The following NRXN3 variants were observed in gnomAD, a reference collection of about 807,000 sequenced individuals.
NRXN3 encodes the protein neurexin 3, also known as neurexin III.
Under a neutral mutation model 137.6 loss-of-function variants are expected in NRXN3, and 32 were observed. The ratio of observed to expected loss-of-function variants is 0.23; its 90% CI spans 0.18 to 0.31. The LOEUF (loss-of-function observed/expected upper bound fraction) is 0.31, where lower values mean the gene tolerates loss of function less well. Among genes scored for constraint, NRXN3 ranks in the 10% least tolerant of loss-of-function variants. The pLI, the probability that NRXN3 is intolerant of heterozygous loss-of-function variation, is 1.00. For synonymous variants in NRXN3, 798 were observed against 784.5 expected, an observed-to-expected ratio of 1.02 and a Z score of -0.29; for missense variants, 1,574 against 2,062.5, an observed-to-expected ratio of 0.76 and a Z score of 4.59.
chr14:79,538,693 T>C (rs1180804875), intron 16 of NRXN3, among the ~76,000 whole-genome samples: 2 of 152,212 alleles, frequency 1.3e-5, no homozygotes, highest in African/African-American at 4.8e-5. Context: ...CTAGGTTGCC[T>C]GTTCACTGTG....
chr14:78,733,145 T>C (rs1056482946), intron 8 of NRXN3, among the ~76,000 whole-genome samples: 2 of 152,168 alleles, frequency 1.3e-5, no homozygotes, highest in Non-Finnish European at 2.9e-5. Context: ...ATTTATTTTT[T>C]GAAATAATAA....
chr14:78,310,961 A>G (rs936486099), intron 4 of NRXN3, among the ~76,000 whole-genome samples: 1 of 152,210 alleles, frequency 6.6e-6, no homozygotes, highest in Non-Finnish European at 1.5e-5. Flanking sequence ...TTAACAACAA[A>G]CATCAGTTAT....
chr14:78,388,785 CTG>C (rs1007975107), intron 4 of NRXN3, among the ~76,000 whole-genome samples: 10 of 152,206 alleles, frequency 6.6e-5, no homozygotes, highest in African/African-American at 2.2e-4. Flanking sequence ...CTGCATTTTG[CTG>C]TGTTTACTTC....
At chr14:78,880,951 C>A (rs886327233) in intron 10 of NRXN3, among the ~76,000 whole-genome samples, 2 of 152,134 alleles carry the variant, frequency 1.3e-5, no homozygotes, top group Non-Finnish European at 2.9e-5. Flanking sequence ...GGGAGGGACC[C>A]AGTGAGAAGT....
intron 4 of NRXN3, among the ~76,000 whole-genome samples, chr14:78,473,717 G>A (rs754062158): frequency 3.3e-5 from 5 of 152,204 alleles, no homozygotes; most frequent in Non-Finnish European, 7.3e-5. Context: ...TAGTAAAGAT[G>A]ATAGCAAGGG....
intron 19 of NRXN3, among the ~76,000 whole-genome samples, chr14:79,791,537 ATAAT>A (rs200288351): frequency 0.05 from 7,286 of 145,996 alleles, 200 homozygotes; most frequent in Middle Eastern, 0.062. Context: ...TATAATAATT[ATAAT>A]TAATTATATA....
chr14:79,289,349 A>C (rs1006254935), intron 15 of NRXN3, among the ~76,000 whole-genome samples: 1 of 152,206 alleles, frequency 6.6e-6, no homozygotes, highest in African/African-American at 2.4e-5. Context: ...GGCTGGGCGC[A>C]GTGGCTCATG....
At chr14:78,824,718 T>A (rs2098961338) in intron 10 of NRXN3, among the ~76,000 whole-genome samples, 2 of 152,018 alleles carry the variant, frequency 1.3e-5, no homozygotes, top group South Asian at 4.1e-4. Flanking sequence ...AAATTTAAAT[T>A]AAAAAAATGT....
intron 15 of NRXN3, among the ~76,000 whole-genome samples, chr14:79,377,281 C>A (rs2094330425): frequency 6.6e-6 from 1 of 152,174 alleles, no homozygotes; most frequent in Non-Finnish European, 1.5e-5. Flanking sequence ...TTTTCATTAT[C>A]AAAGCAATTG....
chr14:78,815,965 CTCTG>C (rs1366266732), intron 10 of NRXN3, among the ~76,000 whole-genome samples: 1 of 152,166 alleles, frequency 6.6e-6, no homozygotes, highest in African/African-American at 2.4e-5. Context: ...ATAATGTATT[CTCTG>C]TCAAACTATA....
chr14:78,361,087 A>G (rs915479179), intron 4 of NRXN3, among the ~76,000 whole-genome samples: 8 of 152,222 alleles, frequency 5.3e-5, no homozygotes, highest in African/African-American at 1.9e-4. Context: ...AACATGGCCA[A>G]TAAGAAAGCA....
intron 16 of NRXN3, among the ~76,000 whole-genome samples, chr14:79,592,065 A>T (rs2097809876): frequency 6.6e-6 from 1 of 152,146 alleles, no homozygotes; most frequent in Non-Finnish European, 1.5e-5. Context: ...TACCCTGTAA[A>T]AGTTACCTCA....
chr14:79,440,673 T>C (rs2095922473), intron 15 of NRXN3, among the ~76,000 whole-genome samples: 1 of 152,182 alleles, frequency 6.6e-6, no homozygotes, highest in African/African-American at 2.4e-5. Context: ...TTTGTTGTTG[T>C]CATTGTAATA....
At position 79,863,993 on chromosome 14, in the gene NRXN3, TAA is replaced by T. The variant is rs2099416623; in HGVS notation, c.*2030_*2031del. On this transcript the variant is annotated 3_prime_UTR_variant, in exon 21 of 21. Coordinates refer to ENST00000335750, the MANE Select transcript of NRXN3 (RefSeq NM_001330195.2). Reference sequence around the variant, plus strand: ...CTCATTATCTAATATTTCAATGTGTTAAGAGTTTAATTTTTTTGTTATCATTA... The same window carrying T: ...CTCATTATCTAATATTTCAATGTGTTGAGTTTAATTTTTTTGTTATCATTA... 7.1e-6 allele frequency: 1 copy of T among 139,952 alleles called. No individual in the cohort carries two copies. The highest frequency in any genetic ancestry group is 1.6e-5 in the Non-Finnish European group (1 of 61,390). 8.7% of individuals were successfully genotyped at this position (139,952 alleles called of 1,614,324 possible). A position where few individuals can be genotyped will look rare whatever the true frequency, so the allele number is the denominator to read the frequency against.
At chr14:79,492,399 TGGG>T (rs2096725642) in intron 16 of NRXN3, among the ~76,000 whole-genome samples, 2 of 151,998 alleles carry the variant, frequency 1.3e-5, no homozygotes, top group East Asian at 3.9e-4. Flanking sequence ...GGGCGGGGGA[TGGG>T]GGCAGGGTCT....
At chr14:78,203,115 C>T (rs375629300) in intron 1 of NRXN3, among the ~76,000 whole-genome samples, 1 of 152,174 alleles carries the variant, frequency 6.6e-6, no homozygotes, top group Non-Finnish European at 1.5e-5. Flanking sequence ...TTTCCTCTTA[C>T]ACTTATGTCC....
intron 10 of NRXN3, among the ~76,000 whole-genome samples, chr14:78,937,066 C>T (rs2099342563): frequency 6.7e-6 from 1 of 150,190 alleles, no homozygotes; most frequent in South Asian, 2.1e-4. Flanking sequence ...ACTAAAAATA[C>T]AAAAAATTAG....
At chr14:78,197,524 T>G (rs1407236227) in intron 1 of NRXN3, among the ~76,000 whole-genome samples, 1 of 152,212 alleles carries the variant, frequency 6.6e-6, no homozygotes, top group Non-Finnish European at 1.5e-5. Context: ...TCATGCTGCT[T>G]TCCTCTTGCT....
intron 10 of NRXN3, among the ~76,000 whole-genome samples, chr14:78,882,827 G>A (rs953133577): frequency 1.3e-5 from 2 of 151,462 alleles, no homozygotes; most frequent in African/African-American, 4.9e-5. Flanking sequence ...GAGGGGCCAG[G>A]GGCAGAATAA....
Sources: gnomAD v4.1 joint callset for allele counts (sites outside exome capture counted in the v4.1 genomes callset) on GRCh38, gnomAD v4.1.1 for gene constraint, MANE v1.5 for transcripts, NCBI Gene and HGNC (gene_info 2026-07-23, HGNC 2026-07-21) for gene names.